The following RBMS1 variants were observed in gnomAD, a reference collection of about 807,000 sequenced individuals.
RBMS1 encodes RNA-binding motif, single-stranded-interacting protein 1.
RBMS1 carries 17 observed loss-of-function variants against 62.3 expected under a neutral mutation model. The observed-to-expected ratio is 0.27, with a 90% CI of 0.19 to 0.41. The LOEUF (loss-of-function observed/expected upper bound fraction) is 0.41. Among genes scored for constraint, RBMS1 ranks in the 10% least tolerant of loss-of-function variants. RBMS1 has a pLI of 1.00. For synonymous variants in RBMS1, 172 were observed against 170.0 expected (o/e 1.01, Z -0.09); for missense variants, 334 against 504.5 (o/e 0.66, Z 3.24).
At chr2:160,469,199 T>G (rs1017004539) in intron 1 of RBMS1, among the ~76,000 whole-genome samples, 8 of 152,236 alleles carry the variant, frequency 5.3e-5, no homozygotes, top group African/African-American at 1.7e-4. Flanking sequence ...CCTTTCAAAT[T>G]CCACATGGTC....
Position 160,284,888 on chromosome 2 carries a change from C to A in RBMS1, c.807-20G>T. The A allele has an allele frequency of 1.3e-6, 2 of 1,576,678 alleles. No homozygotes were observed. Among genetic ancestry groups the A allele is most frequent in the South Asian group, 1.1e-5 (1 of 89,688 alleles). ...TAAAATCTAGAACAAACACAAAAGCCTTTATTAAGTAATCCTTTAAATAGA... is the reference window on the plus strand; with the variant it reads ...TAAAATCTAGAACAAACACAAAAGCATTTATTAAGTAATCCTTTAAATAGA... On this transcript the variant is annotated intron_variant, in intron 8 of 13. Coordinates refer to ENST00000348849, the MANE Select transcript of RBMS1 (RefSeq NM_016836.4).
chr2:160,314,664 T>TAA (rs1352940418), intron 3 of RBMS1, among the ~76,000 whole-genome samples: 9 of 152,278 alleles, frequency 5.9e-5, no homozygotes, highest in African/African-American at 2.2e-4. Flanking sequence ...AGATGAATGT[T>TAA]AAAGCTGAAA....
Position 160,273,940 on chromosome 2 carries a change from C to T in RBMS1, c.*832G>A, listed in dbSNP as rs185634980. The T allele has an allele frequency of 6.5e-6, 1 of 152,726 alleles. No individual in the cohort carries two copies. The highest frequency in any genetic ancestry group is 1.9e-4 in the East Asian group (1 of 5,188). The allele number at this position is 152,726 out of a possible 1,614,324, so 9.5% of individuals were successfully genotyped here. On this transcript the variant is annotated 3_prime_UTR_variant, in exon 14 of 14. Coordinates refer to ENST00000348849, the MANE Select transcript of RBMS1 (RefSeq NM_016836.4). The stretch of plus-strand genomic sequence containing the variant: ...TGTGTTTCACACAAAACATTTTTCC[C>T]TTCTTGCATTTCACTACCTTACACA...
At chr2:160,421,296 C>T (rs184748646) in intron 1 of RBMS1, among the ~76,000 whole-genome samples, 2 of 151,990 alleles carry the variant, frequency 1.3e-5, no homozygotes, top group Admixed American at 6.6e-5. Context: ...TTCCCTCCCC[C>T]CTTCCCCCAC....
At chr2:160,474,087 A>T (rs1685033719) in intron 1 of RBMS1, among the ~76,000 whole-genome samples, 1 of 152,138 alleles carries the variant, frequency 6.6e-6, no homozygotes, top group Admixed American at 6.5e-5. Flanking sequence ...CATCTCAAGA[A>T]CTCAATTAAA....
At chr2:160,354,689 C>T (rs768531671) in intron 2 of RBMS1, among the ~76,000 whole-genome samples, 2 of 152,142 alleles carry the variant, frequency 1.3e-5, no homozygotes, top group African/African-American at 4.8e-5. Context: ...GATACTCAAA[C>T]ACATGCTGAT....
At chr2:160,319,708 A>C (rs1159037781) in intron 2 of RBMS1, among the ~76,000 whole-genome samples, 1 of 152,222 alleles carries the variant, frequency 6.6e-6, no homozygotes, top group Non-Finnish European at 1.5e-5. Context: ...ATTTTTAGGA[A>C]ATGGAAGTAT....
At position 160,470,285 on chromosome 2, in the gene RBMS1, T is replaced by C. The variant is rs548199305; in HGVS notation, c.75+23004A>G. ...CCTGATTATATGAAAAAGTATAACATTTATAAATTAAATTTATTCTATTTA... is the reference window on the plus strand; with the variant it reads ...CCTGATTATATGAAAAAGTATAACACTTATAAATTAAATTTATTCTATTTA... On this transcript the variant is annotated intron_variant, in intron 1 of 13. Transcript: ENST00000348849. 7.9e-5 allele frequency among the ~76,000 whole-genome samples: 12 copies of C among 152,336 alleles called. No individual in the cohort carries two copies. The East Asian group carries it at 1.9e-3, about 24-fold the overall frequency.
intron 1 of RBMS1, among the ~76,000 whole-genome samples, chr2:160,444,036 G>T (rs1683536412): frequency 6.6e-6 from 1 of 152,170 alleles, no homozygotes; most frequent in Non-Finnish European, 1.5e-5. Flanking sequence ...TTTAGGAAGA[G>T]TCCAAAGATT....
intron 12 of RBMS1, among the ~76,000 whole-genome samples, 173 bp downstream of exon 12, chr2:160,277,130 C>T (rs916024994): frequency 1.3e-5 from 2 of 152,188 alleles, no homozygotes; most frequent in African/African-American, 4.8e-5. Context: ...AAGCAATCCT[C>T]CCTCCTCAGC....
At chr2:160,370,089 T>C (rs888522738) in intron 1 of RBMS1, among the ~76,000 whole-genome samples, 3 of 152,154 alleles carry the variant, frequency 2.0e-5, no homozygotes, top group African/African-American at 7.2e-5. Flanking sequence ...TGTGAGGGAA[T>C]GAAATCTCCC....
At chr2:160,328,407 G>GTT in intron 2 of RBMS1, among the ~76,000 whole-genome samples, 1 of 145,362 alleles carries the variant, frequency 6.9e-6, no homozygotes, top group East Asian at 2.0e-4. Context: ...TTTCAGCACA[G>GTT]TTTTTTTTTT....
intron 1 of RBMS1, among the ~76,000 whole-genome samples, chr2:160,377,011 T>C (rs1232817623): frequency 1.3e-5 from 2 of 152,078 alleles, no homozygotes; most frequent in South Asian, 2.1e-4. Context: ...TGAACAGTCA[T>C]GTTTGTGTGT....
rs1281802353 is a variant in RBMS1 at position 160,275,807 on chromosome 2, AAC to A, written c.1144-95_1144-94del. 2.6e-6 allele frequency: 4 copies of A among 1,551,116 alleles called. No individual in the cohort carries two copies. The East Asian group carries it at 6.8e-5, about 26-fold the overall frequency. On this transcript the variant is annotated intron_variant, in intron 12 of 13. Transcript: ENST00000348849. ...TGACTGAATCCAACAGTGCCTTAAA[AAC>A]AGTTACTCTTTAAAGTAAATTTCTT...
At chr2:160,368,555 T>C (rs903271924) in intron 1 of RBMS1, among the ~76,000 whole-genome samples, 18 of 152,216 alleles carry the variant, frequency 1.2e-4, no homozygotes, top group Admixed American at 9.2e-4. Context: ...TTGCCCACTA[T>C]AGATTCCTAG....
At chr2:160,275,599 C>G in intron 13 of RBMS1, 31 bp downstream of exon 13, 1 of 1,603,542 alleles carries the variant, frequency 6.2e-7, no homozygotes, top group Non-Finnish European at 8.5e-7. Flanking sequence ...TTGATTTGAG[C>G]CCCCCAGTTA....
chr2:160,477,241 G>A (rs971034122), intron 1 of RBMS1, among the ~76,000 whole-genome samples: 1 of 152,152 alleles, frequency 6.6e-6, no homozygotes, highest in African/African-American at 2.4e-5. Context: ...CAGCTACTTC[G>A]GAGGCCGATA....
chr2:160,304,706 T>C lies in RBMS1; in HGVS notation c.403-1219A>G, dbSNP rs1032757533. Among the ~76,000 whole-genome samples, 3 of 152,272 alleles carry C rather than the reference T, an allele frequency of 2.0e-5. No homozygotes were observed. The South Asian group carries it at 6.2e-4, about 32-fold the overall frequency. On this transcript the variant is annotated intron_variant, in intron 4 of 13. Transcript: ENST00000348849. ...AGATTTTAAAATAGAACAATGCTTATAGAATAAATGTATAAAGAAAATACT... is the reference window on the plus strand; with the variant it reads ...AGATTTTAAAATAGAACAATGCTTACAGAATAAATGTATAAAGAAAATACT...
intron 1 of RBMS1, chr2:160,407,473 A>G (rs1169333005): frequency 3.0e-6 from 3 of 985,930 alleles, no homozygotes; most frequent in Non-Finnish European, 3.6e-6. Context: ...CCTGCTTGCG[A>G]TAGGGCGTCC....
Sources: allele counts gnomAD v4.1 joint callset (sites outside exome capture counted in the v4.1 genomes callset), GRCh38; gene constraint gnomAD v4.1.1; transcripts MANE v1.5; gene names NCBI Gene and HGNC (gene_info 2026-07-23, HGNC 2026-07-21).